Variants in PCDHAC1 observed in about 807,000 individuals in gnomAD.
PCDHAC1 encodes protocadherin alpha-C1.
In PCDHAC1, 42 loss-of-function variants were observed where a neutral mutation model predicts 60.0. The ratio of observed to expected loss-of-function variants is 0.70; its 90% confidence interval spans 0.55 to 0.90. The LOEUF (loss-of-function observed/expected upper bound fraction) is 0.90, where lower values mean the gene tolerates loss of function less well. Ranked by LOEUF, PCDHAC1 falls within the 40% of genes least tolerant of loss-of-function variation. The pLI is 0.00. For synonymous variants in PCDHAC1, 468 were observed against 499.3 expected, an observed-to-expected ratio of 0.94 and a Z score of 0.84; for missense variants, 1,160 against 1,222.3, an observed-to-expected ratio of 0.95 and a Z score of 0.76.
At chr5:140,940,497 C>T (rs1314378548) in intron 1 of PCDHAC1, among the ~76,000 whole-genome samples, 1 of 151,818 alleles carries the variant, frequency 6.6e-6, no homozygotes, top group Non-Finnish European at 1.5e-5. Context: ...AAGTCTTGCT[C>T]CGTCGCTCAG....
At chr5:140,992,078 G>A (rs1179366244) in intron 3 of PCDHAC1, among the ~76,000 whole-genome samples, 1 of 151,596 alleles carries the variant, frequency 6.6e-6, no homozygotes, top group African/African-American at 2.4e-5. Context: ...TAGAGAATGA[G>A]CTAGAGTAGA....
At chr5:140,961,214 A>C (rs1406613180) in intron 1 of PCDHAC1, among the ~76,000 whole-genome samples, 4 of 152,288 alleles carry the variant, frequency 2.6e-5, no homozygotes, top group East Asian at 3.9e-4. Context: ...ATTGATGAAG[A>C]AACTGGGTCC....
rs149837711 is a variant in PCDHAC1 at position 140,940,786 on chromosome 5, G to A, written c.2433+11461G>A. Reference sequence around the variant, plus strand: ...TTTGACTTTTGATGGTCCATATCCTGAAAATGATATTTGCCAGGATATCCT... The same window carrying A: ...TTTGACTTTTGATGGTCCATATCCTAAAAATGATATTTGCCAGGATATCCT... On this transcript the variant is annotated intron_variant, in intron 1 of 3. Coordinates refer to ENST00000253807, the MANE Select transcript of PCDHAC1 (RefSeq NM_018898.5). 1.1e-4 allele frequency among the ~76,000 whole-genome samples: 17 copies of A among 152,224 alleles called. 1 individual carries two copies. The East Asian group carries it at 2.9e-3, about 26-fold the overall frequency.
At chr5:140,967,939 C>T in intron 1 of PCDHAC1, 1 of 1,614,188 alleles carries the variant, frequency 6.2e-7, no homozygotes, top group Non-Finnish European at 8.5e-7. Context: ...GTGTCAATGA[C>T]CAAGACTCAG....
intron 2 of PCDHAC1, among the ~76,000 whole-genome samples, chr5:140,979,752 G>A (rs1048851264): frequency 4.6e-5 from 7 of 152,138 alleles, no homozygotes; most frequent in South Asian, 2.1e-4. Context: ...CATTATTTGC[G>A]AATGTCTTTG....
intron 3 of PCDHAC1, among the ~76,000 whole-genome samples, chr5:141,002,340 TTC>T (rs1554258614): frequency 5.3e-4 from 81 of 152,342 alleles, no homozygotes; most frequent in African/African-American, 1.9e-3. Flanking sequence ...TCCGCACCCC[TTC>T]CCCCACCTCC....
At chr5:140,937,302 G>T (rs1554211521) in intron 1 of PCDHAC1, among the ~76,000 whole-genome samples, 4 of 152,094 alleles carry the variant, frequency 2.6e-5, no homozygotes, top group African/African-American at 9.7e-5. Flanking sequence ...CTCCCAAAGT[G>T]CTGGGATTAC....
chr5:140,932,406 T>C (rs1235222855), intron 1 of PCDHAC1, among the ~76,000 whole-genome samples: 1 of 151,924 alleles, frequency 6.6e-6, no homozygotes, highest in East Asian at 1.9e-4. Flanking sequence ...CATACCAATG[T>C]TATATTAGTG....
At chr5:140,989,996 A>G (rs1554251207) in intron 3 of PCDHAC1, among the ~76,000 whole-genome samples, 1 of 152,144 alleles carries the variant, frequency 6.6e-6, no homozygotes, top group Non-Finnish European at 1.5e-5. Context: ...GAAATTGTCT[A>G]TCTCCAAGGG....
At chr5:141,009,494 A>T in intron 3 of PCDHAC1, 133 bp from the exon 4 acceptor site, 1 of 1,488,918 alleles carries the variant, frequency 6.7e-7, no homozygotes, top group South Asian at 1.4e-5. Flanking sequence ...TTGCCCTCAG[A>T]CTTGAACAAA....
At chr5:140,968,460 C>G (rs1554230749) in intron 1 of PCDHAC1, 1 of 1,614,096 alleles carries the variant, frequency 6.2e-7, no homozygotes, top group Non-Finnish European at 8.5e-7. Flanking sequence ...ACTGTGACTG[C>G]CAACGTATAT....
intron 1 of PCDHAC1, among the ~76,000 whole-genome samples, chr5:140,943,453 G>T (rs545980639): frequency 3.3e-4 from 50 of 152,158 alleles, no homozygotes; most frequent in Admixed American, 2.6e-4. Context: ...GAATTGATAA[G>T]GCTAAATGTG....
intron 1 of PCDHAC1, among the ~76,000 whole-genome samples, chr5:140,945,123 A>G (rs1421068345): frequency 2.0e-5 from 3 of 152,190 alleles, no homozygotes; most frequent in African/African-American, 4.8e-5. Context: ...TAAAAAATCA[A>G]CTTACAAAAA....
chr5:141,003,254 G>A (rs782245010), intron 3 of PCDHAC1, among the ~76,000 whole-genome samples: 17 of 152,190 alleles, frequency 1.1e-4, no homozygotes, highest in Non-Finnish European at 2.1e-4. Flanking sequence ...AAGATTCCTG[G>A]GCAGTGCCTA....
intron 1 of PCDHAC1, among the ~76,000 whole-genome samples, chr5:140,954,220 T>C (rs782685715): frequency 2.0e-5 from 3 of 152,240 alleles, no homozygotes; most frequent in African/African-American, 4.8e-5. Context: ...GTTTTTGCTA[T>C]TGTGAATAGT....
intron 1 of PCDHAC1, among the ~76,000 whole-genome samples, chr5:140,951,145 TG>T (rs1554219754): frequency 9.9e-6 from 1 of 100,698 alleles, no homozygotes; most frequent in African/African-American, 4.8e-5. Flanking sequence ...TTTATCTTAT[TG>T]AATATAGTTA....
chr5:140,961,638 A>G (rs1428621389), intron 1 of PCDHAC1, among the ~76,000 whole-genome samples: 1 of 152,200 alleles, frequency 6.6e-6, no homozygotes, highest in Non-Finnish European at 1.5e-5. Flanking sequence ...AACAATCTTA[A>G]GTCTATGTGG....
intron 1 of PCDHAC1, chr5:140,969,483 G>C (rs531496681): frequency 1.4e-6 from 2 of 1,462,372 alleles, no homozygotes; most frequent in African/African-American, 1.4e-5. Context: ...ATCATAATCT[G>C]CTATTTCCTC....
chr5:140,952,531 C>T (rs1463200514), intron 1 of PCDHAC1, among the ~76,000 whole-genome samples: 1 of 152,138 alleles, frequency 6.6e-6, no homozygotes, highest in Non-Finnish European at 1.5e-5. Context: ...CCTCCTCAGA[C>T]TGGACTTCTT....
Sources: allele counts gnomAD v4.1 joint callset (sites outside exome capture counted in the v4.1 genomes callset), GRCh38; gene constraint gnomAD v4.1.1; transcripts MANE v1.5; gene names NCBI Gene and HGNC (gene_info 2026-07-23, HGNC 2026-07-21).